The following PACRGL variants were observed in gnomAD, a reference collection of about 807,000 sequenced individuals.
PACRGL encodes the protein PACRG-like protein.
PACRGL carries 38 observed loss-of-function variants against 34.5 expected under a neutral mutation model. The observed-to-expected ratio is 1.10, with a 90% confidence interval of 0.85 to 1.44. The LOEUF (loss-of-function observed/expected upper bound fraction) is 1.44, where lower values mean the gene tolerates loss of function less well. Among genes scored for constraint, PACRGL ranks in the 40% most tolerant of loss-of-function variants. The pLI, the probability that PACRGL is intolerant of heterozygous loss-of-function variation, is 0.00. For missense variants in PACRGL, 305 were observed against 281.4 expected (o/e 1.08, Z -0.60); for synonymous variants, 128 against 100.1 (o/e 1.28, Z -1.66).
At chr4:20,716,284 A>T in intron 7 of PACRGL, 1 of 610,604 alleles carries the variant, frequency 1.6e-6, no homozygotes, top group South Asian at 1.9e-5. Context: ...ATGAGAGACC[A>T]GTCATGGAGT....
downstream of PACRGL, among the ~76,000 whole-genome samples, chr4:20,734,307 T>A (rs1749066104): frequency 6.6e-6 from 1 of 152,214 alleles, no homozygotes; most frequent in African/African-American, 2.4e-5. Flanking sequence ...AAAGAAAGGC[T>A]TCAGGCTAAA....
In PACRGL at chr4:20,711,703, GA is replaced by G. The variant is rs370660772; in HGVS notation, c.367-1079del. On this transcript the variant is annotated intron_variant, in intron 5 of 8. Coordinates refer to ENST00000503585, the MANE Select transcript of PACRGL (RefSeq NM_001258345.3). The stretch of plus-strand genomic sequence containing the variant: ...TGATTTTGTTTTGCTTTATCATTTC[GA>G]AAAAAGTCAGATGGCCCTTTTGACT... Among the ~76,000 whole-genome samples the G allele has an allele frequency of 2.3e-3, 356 of 151,962 alleles. 1 individual carries two copies. The highest frequency in any genetic ancestry group is 8.1e-3 in the African/African-American group (335 of 41,454).
downstream of PACRGL, among the ~76,000 whole-genome samples, chr4:20,754,995 A>G (rs1448147075): frequency 6.6e-6 from 1 of 152,220 alleles, no homozygotes; most frequent in Non-Finnish European, 1.5e-5. Context: ...AACAATTTAG[A>G]AAAACATGAG....
chr4:20,737,789 G>GT, intron 8 of PACRGL, among the ~76,000 whole-genome samples: 1 of 152,214 alleles, frequency 6.6e-6, no homozygotes, highest in African/African-American at 2.4e-5. Flanking sequence ...ATAGAATGTA[G>GT]TTTAGTTAAA....
In PACRGL at chr4:20,704,514, G is replaced by C; in HGVS notation, c.33G>C (p.Gln11His). Residue 11 changes from glutamine (Q) to histidine (H), a missense_variant, in exon 2 of 9, where the codon CAG (glutamine) becomes CAC (histidine). Transcript: ENST00000503585. MQKSEGSGGT[Q>H]LKNRATGNYD... ...AATCAGAGGGCTCTGGAGGTACACA[G>C]TTGAAAAACAGAGCAACAGGTACAG... The C allele has an allele frequency of 6.2e-7, 1 of 1,614,034 alleles. No homozygotes were observed. The highest frequency in any genetic ancestry group is 8.5e-7 in the Non-Finnish European group (1 of 1,179,964).
intron 8 of PACRGL, chr4:20,749,839 C>A (rs1054045922): frequency 3.1e-6 from 2 of 643,288 alleles, no homozygotes; most frequent in Non-Finnish European, 5.3e-6. Flanking sequence ...AACTCTGCCT[C>A]CTTTAGTTTG....
chr4:20,708,652 A>T (rs1735658056), intron 4 of PACRGL, among the ~76,000 whole-genome samples: 1 of 152,140 alleles, frequency 6.6e-6, no homozygotes, highest in Non-Finnish European at 1.5e-5. Flanking sequence ...AAACAATATT[A>T]GAGAGACGTC....
intron 7 of PACRGL, among the ~76,000 whole-genome samples, chr4:20,714,462 T>A (rs1239547584): frequency 6.6e-6 from 1 of 152,176 alleles, no homozygotes; most frequent in African/African-American, 2.4e-5. Flanking sequence ...AATATGCCAG[T>A]CTGTGTCTTT....
At chr4:20,756,910 A>G (rs906817885), downstream of PACRGL, among the ~76,000 whole-genome samples, 1 of 151,896 alleles carries the variant, frequency 6.6e-6, no homozygotes, top group Admixed American at 6.6e-5. Context: ...GCAACCTTTT[A>G]TAATTCCCCC....
At chr4:20,709,003 G>A (rs1735853934) in intron 4 of PACRGL, among the ~76,000 whole-genome samples, 1 of 151,990 alleles carries the variant, frequency 6.6e-6, no homozygotes, top group South Asian at 2.1e-4. Context: ...GCCGGGTGTG[G>A]TGGTGCATGC....
chr4:20,714,551 G>A (rs1388471908), intron 7 of PACRGL, among the ~76,000 whole-genome samples: 10 of 152,120 alleles, frequency 6.6e-5, no homozygotes, highest in Non-Finnish European at 1.5e-4. Flanking sequence ...TATGATATTA[G>A]CTGGTTATTT....
downstream of PACRGL, chr4:20,732,767 T>G: frequency 6.2e-7 from 1 of 1,605,982 alleles, no homozygotes; most frequent in South Asian, 1.1e-5. Context: ...TATATTGCTT[T>G]CATTATATCA....
chr4:20,704,816 T>C lies in PACRGL; in HGVS notation c.207+2T>C. 6.2e-7 allele frequency: 1 copy of C among 1,613,154 alleles called. No individual in the cohort carries two copies. Among genetic ancestry groups the C allele is most frequent in the East Asian group, 2.2e-5 (1 of 44,852 alleles). On this transcript the variant is annotated splice_donor_variant, in intron 3 of 8. Coordinates refer to ENST00000503585, the MANE Select transcript of PACRGL (RefSeq NM_001258345.3). LOFTEE classifies it high-confidence loss of function. ...CTGAACCCTAAAACAATTAATCCGG[T>C]AGGTCCAAAACTATTCCTAACTCAG...
At chr4:20,738,212 G>A (rs1750168730) in intron 8 of PACRGL, among the ~76,000 whole-genome samples, 1 of 152,068 alleles carries the variant, frequency 6.6e-6, no homozygotes, top group African/African-American at 2.4e-5. Flanking sequence ...AAGGAAGATT[G>A]CTGAGCAGTT....
At chr4:20,714,071 T>A (rs1738606736) in intron 7 of PACRGL, among the ~76,000 whole-genome samples, 1 of 152,104 alleles carries the variant, frequency 6.6e-6, no homozygotes, top group African/African-American at 2.4e-5. Flanking sequence ...TTCTGTCTCG[T>A]TGATCTGTCT....
intron 1 of PACRGL, chr4:20,701,923 T>C (rs1732360733): frequency 4.4e-6 from 2 of 455,660 alleles, no homozygotes; most frequent in South Asian, 1.5e-5. Flanking sequence ...GCAATTGTTT[T>C]GGAAGGAAAT....
At chr4:20,710,130 G>C (rs914345938) in intron 5 of PACRGL, among the ~76,000 whole-genome samples, 17 of 152,152 alleles carry the variant, frequency 1.1e-4, no homozygotes, top group African/African-American at 3.9e-4. Flanking sequence ...TCAGATAGTG[G>C]TAAGTGGTTC....
chr4:20,743,289 C>T (rs1206362191), intron 8 of PACRGL, among the ~76,000 whole-genome samples: 1 of 152,036 alleles, frequency 6.6e-6, no homozygotes, highest in Non-Finnish European at 1.5e-5. Context: ...CATATGGAAC[C>T]AAAACAGAGC....
chr4:20,703,963 G>A (rs1733422107), intron 1 of PACRGL, among the ~76,000 whole-genome samples: 1 of 152,170 alleles, frequency 6.6e-6, no homozygotes, highest in African/African-American at 2.4e-5. Context: ...AATAACTTCA[G>A]TGTGACAACC....
Sources: gnomAD v4.1 joint callset for allele counts (sites outside exome capture counted in the v4.1 genomes callset) on GRCh38, gnomAD v4.1.1 for gene constraint, MANE v1.5 for transcripts, NCBI Gene and HGNC (gene_info 2026-07-23, HGNC 2026-07-21) for gene names.